RIN2: variants seen among roughly 807,000 people sequenced by gnomAD.
The protein encoded by RIN2 is Ras and Rab interactor 2, also known as RAB5 interacting protein 2.
In RIN2, 36 loss-of-function variants were observed where a neutral mutation model predicts 78.0. The ratio of observed to expected loss-of-function variants is 0.46; its 90% CI spans 0.35 to 0.61. The LOEUF (loss-of-function observed/expected upper bound fraction) is 0.61, where lower values mean the gene tolerates loss of function less well. Among genes scored for constraint, RIN2 ranks in the 20% least tolerant of loss-of-function variants. The pLI is 0.00. For missense variants in RIN2, 1,087 were observed against 1,159.7 expected (o/e 0.94, Z 0.91); for synonymous variants, 466 against 466.8 (o/e 1.00, Z 0.02).
intron 3 of RIN2, chr20:19,934,652 A>G: frequency 1.1e-6 from 1 of 936,232 alleles, no homozygotes; most frequent in Non-Finnish European, 1.3e-6. Flanking sequence ...AAATAAACTC[A>G]TTTCTATAAC....
chr20:19,795,817 C>A (rs1400980629), intron 1 of RIN2, among the ~76,000 whole-genome samples: 1 of 152,150 alleles, frequency 6.6e-6, no homozygotes, highest in Non-Finnish European at 1.5e-5. Context: ...ACCAGCACCC[C>A]CAAACAACAC....
intron 3 of RIN2, among the ~76,000 whole-genome samples, chr20:19,914,193 C>T (rs1222962194): frequency 1.3e-5 from 2 of 152,198 alleles, no homozygotes; most frequent in Admixed American, 6.5e-5. Context: ...TTTAACCACT[C>T]ACCTGATGCT....
At chr20:19,944,115 T>C (rs993862931) in intron 4 of RIN2, among the ~76,000 whole-genome samples, 3 of 151,990 alleles carry the variant, frequency 2.0e-5, no homozygotes, top group Non-Finnish European at 4.4e-5. Flanking sequence ...GAAGTTGAAG[T>C]TTTTCTGGGA....
chr20:19,822,888 C>G (rs6046348), intron 2 of RIN2, among the ~76,000 whole-genome samples: 1 of 152,018 alleles, frequency 6.6e-6, no homozygotes, highest in Non-Finnish European at 1.5e-5. Flanking sequence ...AAAGAGGTGA[C>G]TATTTGCATG....
chr20:19,972,985 G>A (rs1029360741), intron 8 of RIN2, among the ~76,000 whole-genome samples: 2 of 151,986 alleles, frequency 1.3e-5, no homozygotes, highest in Non-Finnish European at 2.9e-5. Flanking sequence ...GGTATGAAAT[G>A]TTTTACATTC....
intron 2 of RIN2, among the ~76,000 whole-genome samples, chr20:19,827,698 C>T (rs573397844): frequency 6.6e-6 from 1 of 152,240 alleles, no homozygotes; most frequent in East Asian, 1.9e-4. Flanking sequence ...GATCCAGTCC[C>T]GCTTTTTAAT....
intron 1 of RIN2, among the ~76,000 whole-genome samples, chr20:19,780,128 TGTAATGTGATTCAGAG>T (rs1431332704): frequency 1.3e-5 from 2 of 151,938 alleles, no homozygotes; most frequent in Non-Finnish European, 2.9e-5. Flanking sequence ...TGGTCCAGAG[TGTAATGTGATTCAGAG>T]CATGAATTGT....
chr20:19,876,677 G>A (rs950417767), intron 2 of RIN2, among the ~76,000 whole-genome samples: 2 of 152,182 alleles, frequency 1.3e-5, no homozygotes, highest in Non-Finnish European at 2.9e-5. Flanking sequence ...GGCTGAGGCA[G>A]GCAGATCACT....
chr20:19,919,256 TCCAGGATG>T (rs1043333957), intron 3 of RIN2, among the ~76,000 whole-genome samples: 7 of 152,276 alleles, frequency 4.6e-5, no homozygotes, highest in Admixed American at 2.6e-4. Context: ...TTTTGTAAAT[TCCAGGATG>T]CTGGTCCCCA....
chr20:19,822,165 G>C (rs934764885), intron 2 of RIN2, among the ~76,000 whole-genome samples: 1 of 152,168 alleles, frequency 6.6e-6, no homozygotes, highest in African/African-American at 2.4e-5. Context: ...ACAGGTCTGA[G>C]CTTCCTGGGA....
intron 2 of RIN2, among the ~76,000 whole-genome samples, chr20:19,812,025 A>T (rs2035620073): frequency 6.6e-6 from 1 of 151,902 alleles, no homozygotes; most frequent in South Asian, 2.1e-4. Flanking sequence ...GTGTTATTAA[A>T]GTCATCCACG....
At chr20:19,802,613 T>C (rs2035279350) in intron 2 of RIN2, among the ~76,000 whole-genome samples, 2 of 152,268 alleles carry the variant, frequency 1.3e-5, no homozygotes, top group East Asian at 1.9e-4. Context: ...GAAGAATTCC[T>C]TGGCAAGCAG....
chr20:19,964,879 T>G, intron 6 of RIN2, 73 bp from the exon 7 acceptor site: 1 of 1,225,306 alleles, frequency 8.2e-7, no homozygotes, highest in Non-Finnish European at 1.2e-6. Context: ...CCCACACACA[T>G]GGTGTTAGGG....
At chr20:19,770,566 C>T (rs1600409369) in intron 1 of RIN2, among the ~76,000 whole-genome samples, 1 of 152,096 alleles carries the variant, frequency 6.6e-6, no homozygotes. Flanking sequence ...TCTTGTTTTC[C>T]CTGCGGAGCT....
chr20:19,850,866 C>T (rs989466172), intron 2 of RIN2, among the ~76,000 whole-genome samples: 4 of 152,080 alleles, frequency 2.6e-5, no homozygotes, highest in Non-Finnish European at 4.4e-5. Context: ...CTCAGCTACT[C>T]AGGAGGCTGA....
intron 8 of RIN2, among the ~76,000 whole-genome samples, chr20:19,971,300 G>T (rs416425): frequency 1.3e-5 from 2 of 151,596 alleles, no homozygotes; most frequent in Admixed American, 6.6e-5. Flanking sequence ...TCGTTCAATT[G>T]TTGTCCTGCT....
In RIN2 at chr20:19,893,724, C is replaced by T. The variant is rs146265175; in HGVS notation, c.57+4066C>T. 2.3e-3 allele frequency among the ~76,000 whole-genome samples: 345 copies of T among 152,270 alleles called. 1 individual carries two copies. The highest frequency in any genetic ancestry group is 7.8e-3 in the African/African-American group (323 of 41,546). On this transcript the variant is annotated intron_variant, in intron 3 of 12. Coordinates refer to ENST00000255006, the MANE Select transcript of RIN2 (RefSeq NM_018993.4). ...CCCATTTTCCAGGCACTCACAGCAC[C>T]ATTGTTAATTTTCCACAACCATCTG...
chr20:19,951,059 C>G (rs919703790), intron 4 of RIN2, among the ~76,000 whole-genome samples: 14 of 151,998 alleles, frequency 9.2e-5, no homozygotes, highest in African/African-American at 3.4e-4. Flanking sequence ...CTGGCTAATT[C>G]TTTTCTGTAT....
intron 3 of RIN2, among the ~76,000 whole-genome samples, chr20:19,923,976 C>T (rs2040038947): frequency 6.6e-6 from 1 of 151,472 alleles, no homozygotes; most frequent in Admixed American, 6.6e-5. Context: ...TTTCAAACCT[C>T]CACCTCTTCA....
Sources: gnomAD v4.1 joint callset for allele counts (sites outside exome capture counted in the v4.1 genomes callset) on GRCh38, gnomAD v4.1.1 for gene constraint, MANE v1.5 for transcripts, NCBI Gene and HGNC (gene_info 2026-07-23, HGNC 2026-07-21) for gene names.